The following FGF12 variants were observed in gnomAD, a reference collection of about 807,000 sequenced individuals.
The protein encoded by FGF12 is fibroblast growth factor 12, also known as fibroblast growth factor 12B.
In FGF12, 14 loss-of-function variants were observed where a neutral mutation model predicts 23.6. The observed-to-expected ratio is 0.59, with a 90% CI of 0.39 to 0.93. The LOEUF (loss-of-function observed/expected upper bound fraction) is 0.93. Among genes scored for constraint, FGF12 ranks in the 40% least tolerant of loss-of-function variants. The pLI, the probability that FGF12 is intolerant of heterozygous loss-of-function variation, is 0.00. For missense variants in FGF12, 175 were observed against 217.8 expected (o/e 0.80, Z 1.24); for synonymous variants, 62 against 77.3 (o/e 0.80, Z 1.04).
At chr3:192,328,572 G>T (rs1224716153) in intron 4 of FGF12, among the ~76,000 whole-genome samples, 1 of 152,156 alleles carries the variant, frequency 6.6e-6, no homozygotes, top group East Asian at 1.9e-4. Context: ...ATTTTAATCT[G>T]TCCCTCTCTC....
chr3:192,651,834 G>T (rs931748654), intron 2 of FGF12, among the ~76,000 whole-genome samples: 1 of 152,188 alleles, frequency 6.6e-6, no homozygotes, highest in African/African-American at 2.4e-5. Flanking sequence ...GGACAGAGAG[G>T]TTCAGTGTAC....
At chr3:192,504,559 C>T (rs773988311) in intron 2 of FGF12, among the ~76,000 whole-genome samples, 3 of 151,986 alleles carry the variant, frequency 2.0e-5, no homozygotes, top group African/African-American at 7.3e-5. Flanking sequence ...TTGGTGAGAT[C>T]GGGGGGAAAT....
At chr3:192,218,989 G>A (rs774121962) in intron 4 of FGF12, among the ~76,000 whole-genome samples, 1 of 152,142 alleles carries the variant, frequency 6.6e-6, no homozygotes, top group African/African-American at 2.4e-5. Context: ...GTGTAGCTGG[G>A]TTGGCAAACT....
intron 2 of FGF12, among the ~76,000 whole-genome samples, chr3:192,470,373 TTTG>T (rs559328017): frequency 2.3e-4 from 35 of 151,928 alleles, no homozygotes; most frequent in African/African-American, 7.5e-4. Context: ...GTAATGGAAC[TTTG>T]TTGTTGTTGT....
At chr3:192,231,400 T>C (rs899961403) in intron 4 of FGF12, among the ~76,000 whole-genome samples, 3 of 152,218 alleles carry the variant, frequency 2.0e-5, no homozygotes, top group African/African-American at 7.2e-5. Flanking sequence ...TTTACATTTG[T>C]ATTTTCATGC....
At position 192,200,273 on chromosome 3, in the gene FGF12, G is replaced by A. The variant is rs1341393997; in HGVS notation, c.229-29617C>T. On this transcript the variant is annotated intron_variant, in intron 4 of 5. Transcript: ENST00000445105. ...GAACCCAGGAGGCAGAAGTTGCAGTGAGCCGAGATTGTGCCACTGCACTCC... is the reference window on the plus strand; with the variant it reads ...GAACCCAGGAGGCAGAAGTTGCAGTAAGCCGAGATTGTGCCACTGCACTCC... Among the ~76,000 whole-genome samples the A allele has an allele frequency of 2.0e-5, 3 of 151,920 alleles. No individual in the cohort carries two copies. The East Asian group carries it at 5.8e-4, about 29-fold the overall frequency.
At chr3:192,169,681 T>C (rs183276949) in intron 5 of FGF12, among the ~76,000 whole-genome samples, 1 of 152,078 alleles carries the variant, frequency 6.6e-6, no homozygotes, top group African/African-American at 2.4e-5. Context: ...AAAGTGATTA[T>C]AATGTGACTT....
At chr3:192,469,766 C>CA (rs1207917138) in intron 2 of FGF12, among the ~76,000 whole-genome samples, 1 of 152,000 alleles carries the variant, frequency 6.6e-6, no homozygotes, top group Non-Finnish European at 1.5e-5. Flanking sequence ...GGGATGGAAA[C>CA]ATAAAAGGTA....
At chr3:192,649,313 A>G (rs1167199360) in intron 2 of FGF12, among the ~76,000 whole-genome samples, 1 of 152,132 alleles carries the variant, frequency 6.6e-6, no homozygotes, top group Non-Finnish European at 1.5e-5. Context: ...AGTGACCCCA[A>G]TGGTAATGTC....
At chr3:192,393,234 G>A (rs976558272) in intron 2 of FGF12, among the ~76,000 whole-genome samples, 44 of 152,116 alleles carry the variant, frequency 2.9e-4, no homozygotes, top group African/African-American at 1.0e-3. Flanking sequence ...CGTGTTCTAC[G>A]TAAGGGACTA....
chr3:192,670,279 T>C (rs893377811), intron 2 of FGF12, among the ~76,000 whole-genome samples: 2 of 152,182 alleles, frequency 1.3e-5, no homozygotes, highest in Admixed American at 6.5e-5. Context: ...AATAAAAATA[T>C]ATTGCTTATA....
At chr3:192,699,032 A>T (rs1382253911) in intron 2 of FGF12, among the ~76,000 whole-genome samples, 1 of 152,202 alleles carries the variant, frequency 6.6e-6, no homozygotes, top group Non-Finnish European at 1.5e-5. Context: ...TTCTGTATAA[A>T]GATATGGGTG....
chr3:192,588,360 A>AGAAAAAAAG (rs72114903), intron 2 of FGF12, among the ~76,000 whole-genome samples: 2 of 142,646 alleles, frequency 1.4e-5, no homozygotes, highest in Non-Finnish European at 3.0e-5. Flanking sequence ...AAAAAAAAAA[A>AGAAAAAAAG]AAAAAAAGAA....
intron 5 of FGF12, among the ~76,000 whole-genome samples, chr3:192,169,580 C>G (rs1386298589): frequency 6.6e-6 from 1 of 152,032 alleles, no homozygotes; most frequent in Non-Finnish European, 1.5e-5. Context: ...ATGAGATATT[C>G]AGGGGACAGC....
chr3:192,156,994 G>A (rs549430118), intron 5 of FGF12, among the ~76,000 whole-genome samples: 9 of 152,204 alleles, frequency 5.9e-5, no homozygotes, highest in African/African-American at 2.2e-4. Context: ...AGATTGAAAC[G>A]GAGAGATTTA....
intron 4 of FGF12, among the ~76,000 whole-genome samples, chr3:192,302,003 G>A (rs1715376051): frequency 6.6e-6 from 1 of 152,190 alleles, no homozygotes; most frequent in South Asian, 2.1e-4. Context: ...GAGAATAAGA[G>A]AAACCCTATT....
chr3:192,445,889 C>T (rs543100817), intron 2 of FGF12, among the ~76,000 whole-genome samples: 80 of 152,288 alleles, frequency 5.3e-4, no homozygotes, highest in Non-Finnish European at 1.0e-3. Context: ...ACTCAGGCAC[C>T]GTGACTGCAG....
At chr3:192,686,919 T>C (rs1246648441) in intron 2 of FGF12, among the ~76,000 whole-genome samples, 13 of 143,812 alleles carry the variant, frequency 9.0e-5, no homozygotes, top group Admixed American at 5.0e-4. Context: ...AGCTCCGGCT[T>C]CTGGGTTCAT....
At chr3:192,707,605 G>C (rs928752127) in intron 2 of FGF12, among the ~76,000 whole-genome samples, 5 of 151,942 alleles carry the variant, frequency 3.3e-5, no homozygotes, top group African/African-American at 1.2e-4. Context: ...AATTAGCTGG[G>C]TGTGGTGGCA....
Sources: gnomAD v4.1 joint callset for allele counts (sites outside exome capture counted in the v4.1 genomes callset) on GRCh38, gnomAD v4.1.1 for gene constraint, MANE v1.5 for transcripts, NCBI Gene and HGNC (gene_info 2026-07-23, HGNC 2026-07-21) for gene names.